CLDN14: variants seen among roughly 807,000 people sequenced by gnomAD.
CLDN14 encodes the protein claudin 14.
A neutral mutation model predicts 2.1 loss-of-function variants in CLDN14; 2 were observed. The ratio of observed to expected loss-of-function variants is 0.96; its 90% CI spans 0.39 to 3.01. The LOEUF is 3.01. CLDN14 is among the 30% of genes most tolerant of loss of function. The pLI is 0.09. For missense variants in CLDN14, 298 were observed against 328.0 expected, an observed-to-expected ratio of 0.91 and a Z score of 0.71; for synonymous variants, 136 against 154.4, an observed-to-expected ratio of 0.88 and a Z score of 0.88.
At position 36,572,915 on chromosome 21, in the gene CLDN14, C is replaced by A. The variant is rs185661870; in HGVS notation, c.-220+3496G>T. 2.9e-3 allele frequency among the ~76,000 whole-genome samples: 443 copies of A among 152,344 alleles called. 1 individual carries two copies. Among genetic ancestry groups the A allele is most frequent in the Non-Finnish European group, 4.6e-3 (312 of 68,036 alleles). ...TTCCAATCTTGCGCTTCCCTGCTCC[C>A]TGCCAAAACTGAAAATGTGATTTAC... On this transcript the variant is annotated intron_variant, in intron 1 of 2. Transcript: ENST00000342108.
Position 36,511,769 on chromosome 21 carries a change from T to C in CLDN14, c.-219-1269A>G, listed in dbSNP as rs139701779. On this transcript the variant is annotated intron_variant, in intron 1 of 2. Transcript: ENST00000342108. ...GATATTCACTGATGTTATCAGCAGGTTGATGCCAACATCTGCCTAGAGAGT... is the reference window on the plus strand; with the variant it reads ...GATATTCACTGATGTTATCAGCAGGCTGATGCCAACATCTGCCTAGAGAGT... Among the ~76,000 whole-genome samples, 805 of 152,268 alleles carry C rather than the reference T, an allele frequency of 5.3e-3. 2 individuals are homozygous for C. Among genetic ancestry groups the C allele is most frequent in the African/African-American group, 0.018 (734 of 41,558 alleles).
intron 1 of CLDN14, chr21:36,542,616 GCCCGGCGCCCGTT>G (rs1174740760): frequency 3.9e-5 from 6 of 152,182 alleles, no homozygotes; most frequent in Non-Finnish European, 7.3e-5. Flanking sequence ...GTCTGTGAGG[GCCCGGCGCCCGTT>G]CTCCCCAGGG....
intron 1 of CLDN14, among the ~76,000 whole-genome samples, chr21:36,559,997 A>T (rs1263916562): frequency 6.6e-6 from 1 of 152,224 alleles, no homozygotes; most frequent in Admixed American, 6.5e-5. Context: ...AATATCAAGG[A>T]GGCAGGAACG....
intron 1 of CLDN14, among the ~76,000 whole-genome samples, chr21:36,474,792 C>T (rs2086754763): frequency 6.6e-6 from 1 of 152,116 alleles, no homozygotes; most frequent in African/African-American, 2.4e-5. Flanking sequence ...TCTGTAGGGG[C>T]AGTAGGGATC....
At chr21:36,495,617 G>T (rs890945961) in intron 2 of CLDN14, among the ~76,000 whole-genome samples, 1 of 152,242 alleles carries the variant, frequency 6.6e-6, no homozygotes, top group Non-Finnish European at 1.5e-5. Context: ...AGCAGTTGCA[G>T]CTTCCCTCCT....
chr21:36,491,706 G>C (rs1009081237), intron 2 of CLDN14, among the ~76,000 whole-genome samples: 2 of 152,172 alleles, frequency 1.3e-5, no homozygotes, highest in African/African-American at 4.8e-5. Context: ...GGGGAGCCTG[G>C]AGTACATGCC....
At chr21:36,501,442 T>G (rs762963245) in intron 2 of CLDN14, among the ~76,000 whole-genome samples, 1 of 143,486 alleles carries the variant, frequency 7.0e-6, no homozygotes, top group African/African-American at 2.5e-5. Context: ...CTTTGGGACA[T>G]GGAGACGGTC....
intron 1 of CLDN14, among the ~76,000 whole-genome samples, chr21:36,537,732 C>G (rs943077525): frequency 7.3e-5 from 11 of 151,414 alleles, no homozygotes; most frequent in Non-Finnish European, 1.5e-4. Context: ...TCACTGCCAC[C>G]TCCACTTCCT....
At chr21:36,473,261 T>C (rs906665915) in intron 1 of CLDN14, among the ~76,000 whole-genome samples, 2 of 152,176 alleles carry the variant, frequency 1.3e-5, no homozygotes, top group Non-Finnish European at 2.9e-5. Context: ...TTTCTAAAAA[T>C]GTTTTATAGA....
intron 1 of CLDN14, among the ~76,000 whole-genome samples, chr21:36,561,357 TTTTTCTTG>T (rs1019495661): frequency 8.5e-5 from 13 of 152,116 alleles, no homozygotes; most frequent in Non-Finnish European, 1.3e-4. Context: ...CAAGGGAAAT[TTTTTCTTG>T]ACCTGTTAGG....
At chr21:36,472,265 A>G (rs900445344) in intron 1 of CLDN14, among the ~76,000 whole-genome samples, 9 of 151,924 alleles carry the variant, frequency 5.9e-5, no homozygotes, top group Non-Finnish European at 1.2e-4. Flanking sequence ...TGCCAGGAAG[A>G]GGTCAGTTTC....
At chr21:36,468,300 G>T (rs1197020243) in intron 1 of CLDN14, among the ~76,000 whole-genome samples, 3 of 152,170 alleles carry the variant, frequency 2.0e-5, no homozygotes, top group Non-Finnish European at 4.4e-5. Context: ...CTTTAGGCTG[G>T]AGATGGTGGC....
intron 1 of CLDN14, among the ~76,000 whole-genome samples, chr21:36,516,903 G>A (rs2087232603): frequency 6.6e-6 from 1 of 152,170 alleles, no homozygotes; most frequent in Admixed American, 6.5e-5. Context: ...TGCAGTGGTG[G>A]AATCTCAGCT....
chr21:36,500,441 T>C (rs1568861034), intron 2 of CLDN14, among the ~76,000 whole-genome samples: 1 of 152,206 alleles, frequency 6.6e-6, no homozygotes, highest in African/African-American at 2.4e-5. Flanking sequence ...TAAAATTTTA[T>C]TTTAAATTTA....
chr21:36,542,156 G>T (rs1224389416), intron 1 of CLDN14, among the ~76,000 whole-genome samples: 1 of 152,138 alleles, frequency 6.6e-6, no homozygotes, highest in Non-Finnish European at 1.5e-5. Flanking sequence ...GTAGAGACGG[G>T]GTTTCACCAT....
intron 1 of CLDN14, among the ~76,000 whole-genome samples, chr21:36,476,045 C>G (rs2086775182): frequency 6.6e-6 from 1 of 152,120 alleles, no homozygotes; most frequent in South Asian, 2.1e-4. Context: ...AGTCATAGTT[C>G]AGATGTCTGT....
intron 1 of CLDN14, among the ~76,000 whole-genome samples, chr21:36,511,902 A>G (rs1473320262): frequency 6.6e-6 from 1 of 152,142 alleles, no homozygotes. Context: ...GAATAGGTTT[A>G]TTTGTAATCT....
At chr21:36,543,124 C>T (rs1191086251) in intron 1 of CLDN14, among the ~76,000 whole-genome samples, 3 of 152,178 alleles carry the variant, frequency 2.0e-5, no homozygotes, top group Non-Finnish European at 4.4e-5. Context: ...AGTAGGTGCG[C>T]GGAGGGACTC....
At chr21:36,561,920 T>G (rs2146524266) in intron 1 of CLDN14, among the ~76,000 whole-genome samples, 1 of 150,898 alleles carries the variant, frequency 6.6e-6, no homozygotes, top group Middle Eastern at 3.4e-3. Context: ...AGACAAAGAT[T>G]GAAGGAACCC....
Sources: allele counts gnomAD v4.1 joint callset (sites outside exome capture counted in the v4.1 genomes callset), GRCh38; gene constraint gnomAD v4.1.1; transcripts MANE v1.5; gene names NCBI Gene and HGNC (gene_info 2026-07-23, HGNC 2026-07-21).